EPHA5: variants seen among roughly 807,000 people sequenced by gnomAD.
The protein encoded by EPHA5 is EPH receptor A5.
In EPHA5, 60 loss-of-function variants were observed where a neutral mutation model predicts 105.0. The observed-to-expected ratio is 0.57, with a 90% CI of 0.46 to 0.71. EPHA5 has a LOEUF of 0.71. EPHA5 is among the 30% of genes least tolerant of loss of function. EPHA5 has a pLI of 0.00. For synonymous variants in EPHA5, 513 were observed against 449.1 expected, an observed-to-expected ratio of 1.14 and a Z score of -1.80; for missense variants, 1,218 against 1,274.7, an observed-to-expected ratio of 0.96 and a Z score of 0.68.
intron 15 of EPHA5, among the ~76,000 whole-genome samples, chr4:65,334,071 T>G (rs1368418161): frequency 6.6e-6 from 1 of 151,850 alleles, no homozygotes; most frequent in Non-Finnish European, 1.5e-5. Flanking sequence ...AATCTAACCT[T>G]CTAGTATTCA....
chr4:65,354,328 A>G (rs1723102510), intron 11 of EPHA5, among the ~76,000 whole-genome samples: 1 of 151,832 alleles, frequency 6.6e-6, no homozygotes, highest in African/African-American at 2.4e-5. Flanking sequence ...CATACCTAGT[A>G]TGTCTGTAAT....
chr4:65,605,860 A>G (rs1319766767), intron 2 of EPHA5, among the ~76,000 whole-genome samples: 1 of 152,130 alleles, frequency 6.6e-6, no homozygotes, highest in African/African-American at 2.4e-5. Flanking sequence ...CTGTAATGAG[A>G]ATGAAAGCTC....
At chr4:65,458,607 C>T (rs986684740) in intron 5 of EPHA5, among the ~76,000 whole-genome samples, 3 of 152,098 alleles carry the variant, frequency 2.0e-5, no homozygotes, top group Non-Finnish European at 2.9e-5. Context: ...CTACTTTTAA[C>T]TTTATCTTAG....
rs566310864 is a variant in EPHA5 at position 65,367,027 on chromosome 4, T to C, written c.1861+330A>G. Among the ~76,000 whole-genome samples, 8 of 151,950 alleles carry C rather than the reference T, an allele frequency of 5.3e-5. No homozygotes were observed. In the South Asian group the frequency reaches 1.7e-3, roughly 31 times the overall value. ...CTGGTGATGCTACTTATTGATAGAT[T>C]TCTACTCATTGTGTTGCTAGGAATT... On this transcript the variant is annotated intron_variant, in intron 9 of 16. Coordinates refer to ENST00000613740, the MANE Select transcript of EPHA5 (RefSeq NM_001281766.3).
At chr4:65,516,974 A>G (rs1016172746) in intron 3 of EPHA5, among the ~76,000 whole-genome samples, 8 of 152,102 alleles carry the variant, frequency 5.3e-5, no homozygotes, top group Admixed American at 2.0e-4. Context: ...ATAAATGTCA[A>G]TTAGGTCCCA....
chr4:65,415,750 T>C (rs1723326331), intron 6 of EPHA5, among the ~76,000 whole-genome samples: 1 of 152,026 alleles, frequency 6.6e-6, no homozygotes, highest in Non-Finnish European at 1.5e-5. Context: ...CTTGTAAAAC[T>C]TTACCTAATA....
chr4:65,331,765 T>C (rs570255904), intron 16 of EPHA5: 2 of 1,235,788 alleles, frequency 1.6e-6, no homozygotes, highest in Non-Finnish European at 1.0e-6. Flanking sequence ...CAATGTTATT[T>C]GTTTGAAGCA....
intron 5 of EPHA5, among the ~76,000 whole-genome samples, chr4:65,466,813 T>C (rs551165129): frequency 1.3e-3 from 196 of 152,332 alleles, no homozygotes; most frequent in Non-Finnish European, 2.0e-3. Flanking sequence ...TCCTCATCCA[T>C]GTGGCTCCTT....
At chr4:65,520,610 A>AT (rs1734598533) in intron 3 of EPHA5, among the ~76,000 whole-genome samples, 1 of 152,110 alleles carries the variant, frequency 6.6e-6, no homozygotes, top group Admixed American at 6.6e-5. Context: ...ATGGGAGAAA[A>AT]TTTTTGCAAT....
At chr4:65,511,327 T>C (rs1411930227) in intron 3 of EPHA5, among the ~76,000 whole-genome samples, 3 of 152,216 alleles carry the variant, frequency 2.0e-5, no homozygotes, top group Non-Finnish European at 2.9e-5. Flanking sequence ...TTCAATAATA[T>C]GTTAAGAACA....
intron 1 of EPHA5, among the ~76,000 whole-genome samples, chr4:65,659,350 A>AAAAAAAAAAAAAAAAAAAAC (rs1749355698): frequency 9.8e-6 from 1 of 101,590 alleles, no homozygotes; most frequent in African/African-American, 3.6e-5. Context: ...AAAAAAAAAA[A>AAAAAAAAAAAAAAAAAAAAC]AAAAAAAACA....
At chr4:65,643,486 C>G in intron 1 of EPHA5, 59 bp from the exon 2 acceptor site, 2 of 1,361,026 alleles carry the variant, frequency 1.5e-6, no homozygotes, top group Non-Finnish European at 2.1e-6. Flanking sequence ...TATTGTATCT[C>G]TATTTTAATA....
chr4:65,541,604 G>A (rs562951512), intron 3 of EPHA5, among the ~76,000 whole-genome samples: 1 of 152,056 alleles, frequency 6.6e-6, no homozygotes, highest in Non-Finnish European at 1.5e-5. Flanking sequence ...TATAAAACAA[G>A]TTCTTAGAGA....
chr4:65,364,808 T>C (rs1354432401), intron 11 of EPHA5, among the ~76,000 whole-genome samples: 3 of 151,548 alleles, frequency 2.0e-5, no homozygotes, highest in Middle Eastern at 3.2e-3. Flanking sequence ...TCATAGCAAA[T>C]GGGTTAAAAT....
intron 3 of EPHA5, among the ~76,000 whole-genome samples, chr4:65,561,954 G>A (rs1455102665): frequency 6.6e-6 from 1 of 152,086 alleles, no homozygotes. Context: ...GACATTTCTA[G>A]TGATCATCCA....
chr4:65,632,535 C>CAAA (rs35050180), intron 2 of EPHA5, among the ~76,000 whole-genome samples: 6,972 of 125,736 alleles, frequency 0.055, 233 homozygotes, highest in South Asian at 0.1. Flanking sequence ...CAATTTTCAG[C>CAAA]AAAAAAAAAA....
chr4:65,583,024 C>T (rs1741786466), intron 3 of EPHA5, among the ~76,000 whole-genome samples: 1 of 151,398 alleles, frequency 6.6e-6, no homozygotes, highest in South Asian at 2.1e-4. Flanking sequence ...CAATTGAATT[C>T]TTATTAAATT....
At chr4:65,434,800 A>G (rs904631719) in intron 5 of EPHA5, among the ~76,000 whole-genome samples, 2 of 152,148 alleles carry the variant, frequency 1.3e-5, no homozygotes, top group Non-Finnish European at 2.9e-5. Context: ...TCTCACTACT[A>G]AATTGTTATG....
intron 3 of EPHA5, among the ~76,000 whole-genome samples, chr4:65,569,644 T>C (rs1371730017): frequency 6.6e-6 from 1 of 151,744 alleles, no homozygotes; most frequent in Non-Finnish European, 1.5e-5. Flanking sequence ...AAAATTAGAA[T>C]ATATTTTCAC....
Sources: gnomAD v4.1 joint callset for allele counts (sites outside exome capture counted in the v4.1 genomes callset) on GRCh38, gnomAD v4.1.1 for gene constraint, MANE v1.5 for transcripts, NCBI Gene and HGNC (gene_info 2026-07-23, HGNC 2026-07-21) for gene names.